ST6GALNAC5: variants seen among roughly 807,000 people sequenced by gnomAD.
The protein encoded by ST6GALNAC5 is alpha-N-acetylgalactosaminide alpha-2,6-sialyltransferase 5.
Under a neutral mutation model 33.6 loss-of-function variants are expected in ST6GALNAC5, and 27 were observed. That is an observed-to-expected ratio of 0.80 (90% confidence interval 0.59 to 1.11). The LOEUF (loss-of-function observed/expected upper bound fraction) is 1.11. ST6GALNAC5 is among the 50% of genes least tolerant of loss of function. The probability of loss-of-function intolerance (pLI) is 0.00; values close to 1 mark genes in which losing one functional copy is unlikely to be tolerated. For synonymous variants in ST6GALNAC5, 194 were observed against 171.2 expected, an observed-to-expected ratio of 1.13 and a Z score of -1.04; for missense variants, 428 against 454.0, an observed-to-expected ratio of 0.94 and a Z score of 0.52.
intron 2 of ST6GALNAC5, among the ~76,000 whole-genome samples, chr1:77,026,895 GC>G (rs1473805199): frequency 3.3e-5 from 5 of 152,206 alleles, no homozygotes; most frequent in African/African-American, 9.7e-5. Flanking sequence ...TCTGGCTCCT[GC>G]CCCACAGGCT....
intron 2 of ST6GALNAC5, among the ~76,000 whole-genome samples, chr1:76,874,410 G>A (rs1653579123): frequency 6.6e-6 from 1 of 152,146 alleles, no homozygotes; most frequent in Non-Finnish European, 1.5e-5. Flanking sequence ...GTTCTGTAAA[G>A]AGATAAAGCT....
intron 2 of ST6GALNAC5, among the ~76,000 whole-genome samples, chr1:76,962,888 A>G (rs1648297282): frequency 6.6e-6 from 1 of 152,216 alleles, no homozygotes; most frequent in African/African-American, 2.4e-5. Context: ...GAGATTTATA[A>G]TTCTTTACTG....
At chr1:76,920,337 G>A (rs1647017355) in intron 2 of ST6GALNAC5, among the ~76,000 whole-genome samples, 1 of 152,092 alleles carries the variant, frequency 6.6e-6, no homozygotes, top group African/African-American at 2.4e-5. Context: ...GTTATTCTTT[G>A]ACATCTTAAA....
At chr1:76,948,890 A>G (rs1647631903) in intron 2 of ST6GALNAC5, among the ~76,000 whole-genome samples, 2 of 152,104 alleles carry the variant, frequency 1.3e-5, no homozygotes, top group Admixed American at 1.3e-4. Flanking sequence ...ATTCTGTGAC[A>G]CTGTGGTCAT....
intron 2 of ST6GALNAC5, among the ~76,000 whole-genome samples, chr1:77,022,328 C>T (rs982548784): frequency 1.3e-5 from 2 of 152,078 alleles, no homozygotes; most frequent in Non-Finnish European, 2.9e-5. Flanking sequence ...GAAATTTTAC[C>T]TTTCCAGACC....
At chr1:76,976,932 A>G (rs1234137096) in intron 2 of ST6GALNAC5, among the ~76,000 whole-genome samples, 1 of 152,032 alleles carries the variant, frequency 6.6e-6, no homozygotes, top group Non-Finnish European at 1.5e-5. Context: ...TCACCTGGAG[A>G]CCTTGTTAAA....
At chr1:77,026,791 C>CTGAATGAATGAATGAATGAA (rs58272106) in intron 2 of ST6GALNAC5, among the ~76,000 whole-genome samples, 1 of 149,190 alleles carries the variant, frequency 6.7e-6, no homozygotes, top group Non-Finnish European at 1.5e-5. Context: ...AGAACACTTT[C>CTGAATGAATGAATGAATGAA]TGAATGAATG....
At chr1:76,884,140 T>C (rs1364033970) in intron 2 of ST6GALNAC5, among the ~76,000 whole-genome samples, 1 of 152,162 alleles carries the variant, frequency 6.6e-6, no homozygotes, top group Non-Finnish European at 1.5e-5. Context: ...CAGAGGATGA[T>C]GAAGAGACCT....
chr1:76,921,475 A>T (rs1647034010), intron 2 of ST6GALNAC5, among the ~76,000 whole-genome samples: 1 of 152,190 alleles, frequency 6.6e-6, no homozygotes. Context: ...CAAAGTTATA[A>T]AACAAGAAAG....
intron 2 of ST6GALNAC5, among the ~76,000 whole-genome samples, chr1:76,965,788 G>A (rs952572079): frequency 6.6e-6 from 1 of 152,144 alleles, no homozygotes; most frequent in Non-Finnish European, 1.5e-5. Context: ...TTTTGTATAA[G>A]GTGTAACGAA....
chr1:76,919,208 G>A (rs895874731), intron 2 of ST6GALNAC5, among the ~76,000 whole-genome samples: 4 of 152,060 alleles, frequency 2.6e-5, no homozygotes, highest in African/African-American at 4.8e-5. Flanking sequence ...CTTCCAGGCC[G>A]CCTCAGTAAC....
intron 2 of ST6GALNAC5, among the ~76,000 whole-genome samples, chr1:76,971,320 C>T (rs1246189750): frequency 2.6e-5 from 4 of 152,104 alleles, no homozygotes; most frequent in East Asian, 1.9e-4. Context: ...AACCAGATGC[C>T]GGATACAGTT....
intron 2 of ST6GALNAC5, among the ~76,000 whole-genome samples, chr1:76,871,967 C>T (rs1439173932): frequency 1.3e-5 from 2 of 151,908 alleles, no homozygotes; most frequent in African/African-American, 2.4e-5. Context: ...TTTGTGGAAG[C>T]CAATGATAAC....
At chr1:76,874,599 G>A (rs1351017672) in intron 2 of ST6GALNAC5, among the ~76,000 whole-genome samples, 1 of 152,182 alleles carries the variant, frequency 6.6e-6, no homozygotes, top group Non-Finnish European at 1.5e-5. Context: ...GGAGAAAGAT[G>A]TAGGCTGGGA....
At chr1:76,974,411 C>A (rs2100370044) in intron 2 of ST6GALNAC5, among the ~76,000 whole-genome samples, 1 of 151,806 alleles carries the variant, frequency 6.6e-6, no homozygotes, top group Non-Finnish European at 1.5e-5. Flanking sequence ...TTTCTCTTCC[C>A]AGGCAGGTCT....
intron 2 of ST6GALNAC5, among the ~76,000 whole-genome samples, chr1:77,014,582 G>C (rs976751434): frequency 1.3e-5 from 2 of 152,172 alleles, no homozygotes; most frequent in Non-Finnish European, 2.9e-5. Context: ...CACATTGATT[G>C]GCAGCTTCTG....
chr1:77,019,972 C>G (rs1244721390), intron 2 of ST6GALNAC5, among the ~76,000 whole-genome samples: 2 of 152,170 alleles, frequency 1.3e-5, no homozygotes, highest in African/African-American at 4.8e-5. Context: ...CAACACACTA[C>G]TTTAGCAAAA....
chr1:76,868,769 G>A lies in ST6GALNAC5; in HGVS notation c.261+27G>A. 1 of 1,467,608 alleles carries A rather than the reference G, an allele frequency of 6.8e-7. No individual in the cohort carries two copies. Among genetic ancestry groups the A allele is most frequent in the East Asian group, 2.5e-5 (1 of 39,474 alleles). The allele number at this position is 1,467,608 out of a possible 1,614,324, so 90.9% of individuals were successfully genotyped here. A position where few individuals can be genotyped will look rare whatever the true frequency, so the allele number is the denominator to read the frequency against. On this transcript the variant is annotated intron_variant, in intron 2 of 4. Coordinates refer to ENST00000477717, the MANE Select transcript of ST6GALNAC5 (RefSeq NM_030965.3). This position sits in a 1 kb window ranked among gnomAD's most constrained non-coding sequence, Gnocchi z 4.3. ...TGACAGCATGCCCGCCAGCCCGCTC[G>A]CCACTCAGCCTGGGGATCCCGCACA...
intron 2 of ST6GALNAC5, among the ~76,000 whole-genome samples, chr1:76,923,488 T>A (rs1647054885): frequency 6.6e-6 from 1 of 151,364 alleles, no homozygotes. Flanking sequence ...AGGTCAGGAG[T>A]TCAAGACCAG....
Sources: gnomAD v4.1 joint callset for allele counts (sites outside exome capture counted in the v4.1 genomes callset) on GRCh38, gnomAD v4.1.1 for gene constraint, Gnocchi (gnomAD v3.1) non-coding constraint, MANE v1.5 for transcripts, NCBI Gene and HGNC (gene_info 2026-07-23, HGNC 2026-07-21) for gene names.